HEATR5A: variants seen among roughly 807,000 people sequenced by gnomAD.
HEATR5A encodes HEAT repeat-containing protein 5A.
Under a neutral mutation model 218.8 loss-of-function variants are expected in HEATR5A, and 178 were observed. The observed-to-expected ratio is 0.81, with a 90% CI of 0.72 to 0.92. The LOEUF is 0.92. Ranked by LOEUF, HEATR5A falls within the 40% of genes least tolerant of loss-of-function variation. The pLI is 0.00. For synonymous variants in HEATR5A, 864 were observed against 871.6 expected (o/e 0.99, Z 0.15); for missense variants, 2,420 against 2,418.9 (o/e 1.00, Z -0.01).
At chr14:31,338,469 T>C (rs139464821) in intron 21 of HEATR5A, among the ~76,000 whole-genome samples, 1 of 152,224 alleles carries the variant, frequency 6.6e-6, no homozygotes, top group Non-Finnish European at 1.5e-5. Flanking sequence ...GCAATGTAAA[T>C]CTCAATAGGT....
At chr14:31,304,645 G>A (rs751354206) in intron 32 of HEATR5A, among the ~76,000 whole-genome samples, 10 of 152,182 alleles carry the variant, frequency 6.6e-5, no homozygotes, top group Non-Finnish European at 1.5e-4. Context: ...TCGAACTCCT[G>A]ACCTCAGGTG....
In HEATR5A at chr14:31,403,059, A is replaced by G; in HGVS notation, c.-74-10T>C. On this transcript the variant is annotated splice_polypyrimidine_tract_variant and intron_variant, in intron 1 of 35. Coordinates refer to ENST00000543095, the MANE Select transcript of HEATR5A (RefSeq NM_015473.4). ...ACCTAACAATAAAAATCTGCAATAC[A>G]GGAAAATAATGTATTTTAAAAGGGG... 1 of 1,260,288 alleles carries G rather than the reference A, an allele frequency of 7.9e-7. No homozygotes were observed. The highest frequency in any genetic ancestry group is 1.5e-5 in the African/African-American group (1 of 66,870). The allele number at this position is 1,260,288 out of a possible 1,614,324, so 78.1% of individuals were successfully genotyped here.
chr14:31,371,890 G>T lies in HEATR5A; in HGVS notation c.1881C>A (p.Ser627=). The T allele has an allele frequency of 6.5e-7, 1 of 1,539,624 alleles. No homozygotes were observed. The highest frequency in any genetic ancestry group is 8.8e-7 in the Non-Finnish European group (1 of 1,138,364). The change falls in exon 13 of 36, where the codon TCC becomes TCA. Residue 627 remains serine (S), a synonymous_variant. Coordinates refer to ENST00000543095, the MANE Select transcript of HEATR5A (RefSeq NM_015473.4). ...GALCAIKSFV[S]HCGDLLTEEV... Reference sequence around the variant, plus strand: ...CCTCAGTAAGAAGATCACCACAGTGGGAAACAAAGCTCTTGATAGCTGAAA... The same window carrying T: ...CCTCAGTAAGAAGATCACCACAGTGTGAAACAAAGCTCTTGATAGCTGAAA...
At chr14:31,367,939 A>AT (rs1203342992) in intron 13 of HEATR5A, among the ~76,000 whole-genome samples, 7 of 152,170 alleles carry the variant, frequency 4.6e-5, no homozygotes, top group Non-Finnish European at 1.0e-4. Flanking sequence ...GGAAGTATGG[A>AT]TTTTTTTAGT....
At chr14:31,296,478 T>C (rs1282459292) in intron 33 of HEATR5A, 1 of 154,886 alleles carries the variant, frequency 6.5e-6, no homozygotes, top group African/African-American at 2.4e-5. Flanking sequence ...TGACGCTCAG[T>C]ATATGCTACT....
At chr14:31,346,009 TA>T (rs1901008949) in intron 19 of HEATR5A, among the ~76,000 whole-genome samples, 1 of 152,196 alleles carries the variant, frequency 6.6e-6, no homozygotes, top group African/African-American at 2.4e-5. Context: ...TTCATTGCAG[TA>T]TACTTTCTAA....
rs1053855157 is a variant in HEATR5A, at chr14:31,320,349, C to T, written c.3969+1150G>A. On this transcript the variant is annotated intron_variant, in intron 25 of 35. Transcript: ENST00000543095. The stretch of plus-strand genomic sequence containing the variant: ...TTGAGAGACAGCTTCCTGGCATAGA[C>T]AATAATCAAGCTGCCAAACACCGCT... 2.1e-5 allele frequency: 18 copies of T among 849,446 alleles called. No individual in the cohort carries two copies. In the Admixed American group the frequency reaches 2.2e-4, roughly 11 times the overall value. The allele number at this position is 849,446 out of a possible 1,614,324, so 52.6% of individuals were successfully genotyped here.
At chr14:31,400,593 AT>A (rs1316112197) in intron 2 of HEATR5A, 81 bp from the exon 3 acceptor site, 2 of 922,026 alleles carry the variant, frequency 2.2e-6, no homozygotes, top group Non-Finnish European at 3.1e-6. Context: ...TCTTTCATAT[AT>A]TTAAGAACTA....
At chr14:31,355,333 A>G (rs560362200) in intron 16 of HEATR5A, among the ~76,000 whole-genome samples, 82 of 152,156 alleles carry the variant, frequency 5.4e-4, no homozygotes, top group Middle Eastern at 3.4e-3. Context: ...GAATCACTTG[A>G]ACCTGGGAGG....
Position 31,400,447 on chromosome 14 carries a change from T to TG in HEATR5A, c.191dup (p.Gly65ArgfsTer10), listed in dbSNP as rs1322914714. 1 of 1,535,998 alleles carries TG rather than the reference T, an allele frequency of 6.5e-7. No homozygotes were observed. Among genetic ancestry groups the TG allele is most frequent in the Admixed American group, 2.0e-5 (1 of 50,980 alleles). ...CAAGCAGTTTGCGGGTAGGAGGCCC[T>TG]GGGGAGCTGTTCAACAAAGACAGGA... On this transcript the variant is annotated frameshift_variant, in exon 3 of 36. Coordinates refer to ENST00000543095, the MANE Select transcript of HEATR5A (RefSeq NM_015473.4). LOFTEE classifies it high-confidence loss of function.
At chr14:31,373,104 TAG>T (rs957862313) in intron 12 of HEATR5A, among the ~76,000 whole-genome samples, 3 of 151,956 alleles carry the variant, frequency 2.0e-5, no homozygotes, top group Non-Finnish European at 4.4e-5. Context: ...GTATTTTTTG[TAG>T]AGAGAGCAGT....
chr14:31,341,855 CACTT>C (rs1347942550), intron 21 of HEATR5A, among the ~76,000 whole-genome samples: 1 of 152,058 alleles, frequency 6.6e-6, no homozygotes, highest in Non-Finnish European at 1.5e-5. Flanking sequence ...ACGGCAGTAT[CACTT>C]AATTTAAATG....
chr14:31,297,714 T>C (rs1229305409), intron 33 of HEATR5A: 1 of 152,050 alleles, frequency 6.6e-6, no homozygotes, highest in East Asian at 1.9e-4. Context: ...CATGTAGCAC[T>C]GTTATAAGCA....
intron 5 of HEATR5A, among the ~76,000 whole-genome samples, chr14:31,394,525 A>G (rs2030573352): frequency 6.6e-6 from 1 of 152,152 alleles, no homozygotes; most frequent in East Asian, 1.9e-4. Context: ...CCAACATTAA[A>G]AAAACTCTGG....
chr14:31,294,668 C>T (rs1420938303), intron 34 of HEATR5A, among the ~76,000 whole-genome samples: 1 of 152,004 alleles, frequency 6.6e-6, no homozygotes, highest in Non-Finnish European at 1.5e-5. Context: ...GCCTTGGCCT[C>T]CCGAAGTGCT....
At chr14:31,414,168 G>A (rs2031372944) in intron 1 of HEATR5A, among the ~76,000 whole-genome samples, 1 of 152,200 alleles carries the variant, frequency 6.6e-6, no homozygotes, top group African/African-American at 2.4e-5. Flanking sequence ...CTTTAGGAAT[G>A]CCAGAGGCAG....
At chr14:31,403,207 G>A (rs1372788706) in intron 1 of HEATR5A, among the ~76,000 whole-genome samples, 158 bp from the exon 2 acceptor site, 1 of 152,042 alleles carries the variant, frequency 6.6e-6, no homozygotes, top group African/African-American at 2.4e-5. Context: ...AGTTAACACT[G>A]ACATAAAATC....
In HEATR5A at chr14:31,296,055, T is replaced by C. The variant is rs61744248; in HGVS notation, c.5473A>G (p.Thr1825Ala). ...CTGACTTCATCAAGTTCTTGGTGTG[T>C]TTCATCAACTAAAGAGAAATGCTCT... ...ILDCWDPVDE[T>A]HQELDEVSLL... The change falls in exon 34 of 36, where the codon ACA (threonine) becomes GCA (alanine). Residue 1825 changes from threonine (T) to alanine (A), a missense_variant. Thr to Ala is a moderately conservative substitution (Grantham distance 58, BLOSUM62 0). Transcript: ENST00000543095. The C allele has an allele frequency of 1.7e-3, 2,764 of 1,612,862 alleles. 33 individuals carry two copies. The African/African-American group carries it at 0.032, about 19-fold the overall frequency.
At chr14:31,343,554 G>C (rs1169768303) in intron 21 of HEATR5A, among the ~76,000 whole-genome samples, 3 of 151,930 alleles carry the variant, frequency 2.0e-5, no homozygotes, top group Non-Finnish European at 1.5e-5. Context: ...AGATGAAAAA[G>C]AAGAAAAAAA....
Sources: gnomAD v4.1 joint callset for allele counts (sites outside exome capture counted in the v4.1 genomes callset) on GRCh38, gnomAD v4.1.1 for gene constraint, MANE v1.5 for transcripts, NCBI Gene and HGNC (gene_info 2026-07-23, HGNC 2026-07-21) for gene names.